NUP188: variants seen among roughly 807,000 people sequenced by gnomAD.
The protein encoded by NUP188 is nucleoporin NUP188.
Under a neutral mutation model 223.0 loss-of-function variants are expected in NUP188, and 97 were observed. The ratio of observed to expected loss-of-function variants is 0.43; its 90% CI spans 0.37 to 0.51. NUP188 has a LOEUF of 0.51. Ranked by LOEUF, NUP188 falls within the 20% of genes least tolerant of loss-of-function variation. The pLI is 0.00. For synonymous variants in NUP188, 869 were observed against 828.0 expected (o/e 1.05, Z -0.85); for missense variants, 1,947 against 2,175.6 (o/e 0.89, Z 2.09).
At chr9:128,978,573 A>G (rs1842211339) in intron 12 of NUP188, among the ~76,000 whole-genome samples, 2 of 151,436 alleles carry the variant, frequency 1.3e-5, no homozygotes, top group African/African-American at 4.9e-5. Context: ...AAAAAAAAAA[A>G]AAAAAAGGTA....
chr9:128,964,801 G>A (rs575299535), intron 8 of NUP188, among the ~76,000 whole-genome samples: 1 of 151,378 alleles, frequency 6.6e-6, no homozygotes, highest in Admixed American at 6.6e-5. Flanking sequence ...TGCCTCCCGG[G>A]TTCAAGGGAT....
Position 128,970,880 on chromosome 9 carries a change from AGGT to A in NUP188, c.1038_1040del (p.Gly347del). The A allele has an allele frequency of 6.2e-7, 1 of 1,614,170 alleles. No individual in the cohort carries two copies. Among genetic ancestry groups the A allele is most frequent in the South Asian group, 1.1e-5 (1 of 91,082 alleles). On this transcript the variant is annotated inframe_deletion, in exon 11 of 44. Coordinates refer to ENST00000372577, the MANE Select transcript of NUP188 (RefSeq NM_015354.3). ...AGACAAGCAGTGTGGTCCGGAAGAT[AGGT>A]GGCACAGCCATCCAGCTGAATGTGT...
intron 8 of NUP188, among the ~76,000 whole-genome samples, chr9:128,959,744 T>G (rs371665597): frequency 1.3e-5 from 2 of 151,776 alleles, no homozygotes; most frequent in East Asian, 3.9e-4. Flanking sequence ...TTCACCATGT[T>G]GGCCAGGCTG....
intron 24 of NUP188, 27 bp from the exon 25 acceptor site, chr9:128,990,093 T>A: frequency 6.5e-7 from 1 of 1,535,596 alleles, no homozygotes; most frequent in Non-Finnish European, 9.0e-7. Flanking sequence ...ACACTTGATA[T>A]CTAAACTGTT....
At chr9:128,978,993 G>T (rs749981407) in intron 12 of NUP188, among the ~76,000 whole-genome samples, 1 of 152,080 alleles carries the variant, frequency 6.6e-6, no homozygotes, top group African/African-American at 2.4e-5. Flanking sequence ...TATAGGGGTG[G>T]CCCCCACACC....
Position 128,998,513 on chromosome 9 carries a change from T to C in NUP188, c.3430-25T>C, listed in dbSNP as rs1182199382. 2.5e-6 allele frequency: 4 copies of C among 1,604,024 alleles called. No individual in the cohort carries two copies. The African/African-American group carries it at 5.4e-5, about 21-fold the overall frequency. The stretch of plus-strand genomic sequence containing the variant: ...GCATGCGAATCTTTCCACTGACTTC[T>C]GACTGGTGTGCTGTCTCCTTTCAGC... On this transcript the variant is annotated intron_variant, in intron 31 of 43. Coordinates refer to ENST00000372577, the MANE Select transcript of NUP188 (RefSeq NM_015354.3).
Position 128,993,238 on chromosome 9 carries a change from G to C in NUP188, c.2682G>C (p.Ala894=). ...TGTATGCTTGTCTGGGCAATGATGCGGCTGCCATTCGTGATGCCTTCCTGA... is the reference window on the plus strand; with the variant it reads ...TGTATGCTTGTCTGGGCAATGATGCCGCTGCCATTCGTGATGCCTTCCTGA... ...MSVYACLGND[A]AAIRDAFLTR... is the part of the protein sequence containing the mutation. The change falls in exon 26 of 44, where the codon GCG becomes GCC. Residue 894 remains alanine (A), a synonymous_variant. Transcript: ENST00000372577. 6.2e-7 allele frequency: 1 copy of C among 1,614,158 alleles called. No homozygotes were observed. Among genetic ancestry groups the C allele is most frequent in the Non-Finnish European group, 8.5e-7 (1 of 1,180,016 alleles).
At chr9:128,966,163 G>A (rs1331227261) in intron 8 of NUP188, among the ~76,000 whole-genome samples, 1 of 149,176 alleles carries the variant, frequency 6.7e-6, no homozygotes, top group African/African-American at 2.5e-5. Context: ...GTGTGTGTGT[G>A]TGTGTGCGTG....
chr9:128,982,077 CA>C (rs1204621161), intron 15 of NUP188, among the ~76,000 whole-genome samples: 74 of 127,278 alleles, frequency 5.8e-4, no homozygotes, highest in Middle Eastern at 4.9e-3. Flanking sequence ...AACTCCATCT[CA>C]AAAAAAAAAA....
chr9:128,978,624 T>C (rs1842212761), intron 12 of NUP188, among the ~76,000 whole-genome samples: 1 of 150,176 alleles, frequency 6.7e-6, no homozygotes, highest in South Asian at 2.1e-4. Context: ...ATTCTTGCAC[T>C]CTAGTCTGGG....
At chr9:128,963,069 A>G (rs1179608143) in intron 8 of NUP188, among the ~76,000 whole-genome samples, 2 of 152,100 alleles carry the variant, frequency 1.3e-5, no homozygotes, top group Admixed American at 6.6e-5. Context: ...CTTCATTCTT[A>G]TTTATGGTTG....
Position 129,006,623 on chromosome 9 carries a change from G to A in NUP188, c.5195G>A (p.Ser1732Asn). 6.2e-7 allele frequency: 1 copy of A among 1,614,196 alleles called. No homozygotes were observed. The highest frequency in any genetic ancestry group is 1.1e-5 in the South Asian group (1 of 91,088). ...STSLSKASPE[S>N]QEPLIQLVQA... ...TCTCTCTCCAAAGCCAGCCCTGAGA[G>A]TCAGGAGCCTCTGATCCAGTTGGTG... Residue 1732 changes from serine (S) to asparagine (N), a missense_variant, in exon 44 of 44, where the codon AGT becomes AAT. By Grantham distance (46) the Ser-to-Asn change is conservative. Coordinates refer to ENST00000372577, the MANE Select transcript of NUP188 (RefSeq NM_015354.3).
rs746696951 is a variant in NUP188 at position 129,002,887 on chromosome 9, T to C, written c.4208T>C (p.Leu1403Pro). 6.2e-7 allele frequency: 1 copy of C among 1,614,194 alleles called. No individual in the cohort carries two copies. The highest frequency in any genetic ancestry group is 1.1e-5 in the South Asian group (1 of 91,092). ...WPGVYRLSMS[L>P]MEQLLKTLRY... ...GGAGTCTACCGCCTGTCCATGTCCC[T>C]GATGGAGCAGCTGCTCAAAACTCTG... The change falls in exon 37 of 44, where the codon CTG becomes CCG. Residue 1403 changes from leucine (L) to proline (P), a missense_variant. Leu to Pro is a moderately conservative substitution (Grantham distance 98). Transcript: ENST00000372577.
At chr9:128,952,019 C>T (rs1035071699) in intron 2 of NUP188, among the ~76,000 whole-genome samples, 1 of 152,094 alleles carries the variant, frequency 6.6e-6, no homozygotes, top group African/African-American at 2.4e-5. Flanking sequence ...TCTCCAACTC[C>T]CAACCCTAGG....
At chr9:128,951,401 C>T (rs1429998017) in intron 2 of NUP188, among the ~76,000 whole-genome samples, 2 of 151,378 alleles carry the variant, frequency 1.3e-5, no homozygotes, top group African/African-American at 4.9e-5. Context: ...ATCGCTTAAG[C>T]TCAGGATATC....
chr9:128,980,647 T>C lies in NUP188; in HGVS notation c.1311T>C (p.Cys437=). The stretch of plus-strand genomic sequence containing the variant: ...TTGGGATCATTCTGGACAGTGTGTG[T>C]GGAATGTTTCCCCACCTTCTCTCCC... The part of the protein sequence containing the change: ...SGLGIILDSV[C]GMFPHLLSPL... The change falls in exon 14 of 44, where the codon TGT becomes TGC. Residue 437 remains cysteine (C), a synonymous_variant. Transcript: ENST00000372577. The C allele has an allele frequency of 6.2e-7, 1 of 1,614,112 alleles. No individual in the cohort carries two copies. Among genetic ancestry groups the C allele is most frequent in the South Asian group, 1.1e-5 (1 of 91,082 alleles).
intron 22 of NUP188, among the ~76,000 whole-genome samples, chr9:128,987,127 G>GTGTA: frequency 6.8e-6 from 1 of 147,916 alleles, no homozygotes; most frequent in South Asian, 2.2e-4. Context: ...GTGTGTGTGT[G>GTGTA]TGTGTATGTG....
At chr9:128,985,501 G>A (rs766359655) in intron 20 of NUP188, among the ~76,000 whole-genome samples, 3 of 152,052 alleles carry the variant, frequency 2.0e-5, no homozygotes, top group Non-Finnish European at 4.4e-5. Flanking sequence ...GTTACAACTC[G>A]GTTTGAAAAA....
intron 19 of NUP188, among the ~76,000 whole-genome samples, chr9:128,984,123 G>GTTTTTTTTTTTTTTTTTT (rs1564560013): frequency 9.4e-6 from 1 of 106,526 alleles, no homozygotes; most frequent in African/African-American, 5.9e-5. Context: ...CGCCTGGCCT[G>GTTTTTTTTTTTTTTTTTT]ATTTTTTTTT....
Sources: gnomAD v4.1 joint callset for allele counts (sites outside exome capture counted in the v4.1 genomes callset) on GRCh38, gnomAD v4.1.1 for gene constraint, MANE v1.5 for transcripts, NCBI Gene and HGNC (gene_info 2026-07-23, HGNC 2026-07-21) for gene names.